SGCD: variants seen among roughly 807,000 people sequenced by gnomAD.
SGCD encodes sarcoglycan delta.
In SGCD, 18 loss-of-function variants were observed where a neutral mutation model predicts 36.6. That is an observed-to-expected ratio of 0.49 (90% CI 0.34 to 0.73). The LOEUF (loss-of-function observed/expected upper bound fraction) is 0.73, where lower values mean the gene tolerates loss of function less well. Ranked by LOEUF, SGCD falls within the 30% of genes least tolerant of loss-of-function variation. SGCD has a pLI of 0.01. For synonymous variants in SGCD, 133 were observed against 130.6 expected (o/e 1.02, Z -0.12); for missense variants, 387 against 346.7 (o/e 1.12, Z -0.92).
intron 1 of SGCD, among the ~76,000 whole-genome samples, chr5:155,959,130 T>C (rs1757733790): frequency 6.6e-6 from 1 of 152,172 alleles, no homozygotes; most frequent in African/African-American, 2.4e-5. Flanking sequence ...ATGGTACCAC[T>C]TGGCTACAGT....
intron 4 of SGCD, among the ~76,000 whole-genome samples, chr5:156,588,047 A>G (rs1487475183): frequency 1.3e-5 from 2 of 151,870 alleles, no homozygotes; most frequent in African/African-American, 4.8e-5. Flanking sequence ...TATACCAGAT[A>G]GTGACAAAGG....
chr5:156,647,736 A>G (rs992212573), intron 7 of SGCD, among the ~76,000 whole-genome samples, 200 bp downstream of exon 7: 1 of 152,152 alleles, frequency 6.6e-6, no homozygotes, highest in African/African-American at 2.4e-5. Flanking sequence ...TGGATGGGGT[A>G]AAAGGTTGCC....
chr5:156,091,989 A>C (rs773143832), intron 1 of SGCD, among the ~76,000 whole-genome samples: 6 of 152,204 alleles, frequency 3.9e-5, no homozygotes, highest in Non-Finnish European at 7.3e-5. Flanking sequence ...ATCCAGATCT[A>C]TGCCTTGTTT....
intron 4 of SGCD, among the ~76,000 whole-genome samples, chr5:156,524,286 G>GTT (rs1491187652): frequency 1.0e-3 from 88 of 85,854 alleles, no homozygotes; most frequent in Non-Finnish European, 1.8e-3. Context: ...AATATATATA[G>GTT]TTATATATAT....
chr5:156,229,273 C>CATATATATATAT (rs1383896091), intron 3 of SGCD, among the ~76,000 whole-genome samples: 18 of 8,572 alleles, frequency 2.1e-3, no homozygotes, highest in Middle Eastern at 0.05. Context: ...TATATATATA[C>CATATATATATAT]ATACATATAT....
chr5:156,536,860 G>A (rs1217425804), intron 4 of SGCD, among the ~76,000 whole-genome samples: 2 of 152,072 alleles, frequency 1.3e-5, no homozygotes, highest in Non-Finnish European at 2.9e-5. Flanking sequence ...CCTTGACTTG[G>A]TGGCTCTCTG....
intron 1 of SGCD, among the ~76,000 whole-genome samples, chr5:155,906,965 A>G (rs961086372): frequency 1.3e-5 from 2 of 152,034 alleles, no homozygotes; most frequent in Admixed American, 6.6e-5. Context: ...TAGAGAGAAG[A>G]AATAAATGCC....
At chr5:156,373,230 C>G (rs912176692) in intron 3 of SGCD, among the ~76,000 whole-genome samples, 1 of 152,204 alleles carries the variant, frequency 6.6e-6, no homozygotes, top group Non-Finnish European at 1.5e-5. Flanking sequence ...GGAACACTTA[C>G]CAATCCAATT....
At chr5:156,599,382 A>C (rs1761075795) in intron 6 of SGCD, among the ~76,000 whole-genome samples, 1 of 152,022 alleles carries the variant, frequency 6.6e-6, no homozygotes, top group Non-Finnish European at 1.5e-5. Flanking sequence ...TAGAAAAAGA[A>C]AAAAAAATGG....
chr5:156,278,318 C>A (rs1044177387), intron 3 of SGCD, among the ~76,000 whole-genome samples: 4 of 152,026 alleles, frequency 2.6e-5, no homozygotes, highest in Non-Finnish European at 5.9e-5. Context: ...CAGGAAAAAG[C>A]CTAACATGAT....
At chr5:155,756,291 C>T in the SGCD span, among the ~76,000 whole-genome samples, 1 of 152,198 alleles carries the variant, frequency 6.6e-6, no homozygotes, top group East Asian at 1.9e-4. Flanking sequence ...ACTGATTATC[C>T]ATAGGGTCCA....
chr5:155,789,006 A>G, the SGCD span, among the ~76,000 whole-genome samples: 1 of 152,178 alleles, frequency 6.6e-6, no homozygotes, highest in Admixed American at 6.5e-5. Flanking sequence ...TAGACTATAA[A>G]GGGAGATAAA....
intron 3 of SGCD, among the ~76,000 whole-genome samples, chr5:156,489,732 A>G (rs1581067087): frequency 6.6e-6 from 1 of 152,206 alleles, no homozygotes; most frequent in East Asian, 1.9e-4. Context: ...CAGCACTAAG[A>G]GGAAAGTTTA....
intron 3 of SGCD, among the ~76,000 whole-genome samples, chr5:156,278,906 G>T (rs564446681): frequency 7.3e-4 from 111 of 152,194 alleles, no homozygotes; most frequent in Middle Eastern, 3.4e-3. Flanking sequence ...TCTATTCCAG[G>T]TATAAATTAG....
chr5:156,476,393 A>G (rs1755177795), intron 3 of SGCD, among the ~76,000 whole-genome samples: 1 of 152,218 alleles, frequency 6.6e-6, no homozygotes, highest in Non-Finnish European at 1.5e-5. Flanking sequence ...TTAATTTGAC[A>G]GAGGAGCTGA....
At chr5:156,081,732 G>T (rs1311100519) in intron 1 of SGCD, among the ~76,000 whole-genome samples, 1 of 152,014 alleles carries the variant, frequency 6.6e-6, no homozygotes, top group East Asian at 1.9e-4. Flanking sequence ...TCTTTTCTCT[G>T]TAAGGGCAAA....
chr5:156,372,004 G>A (rs1005150913), intron 3 of SGCD, among the ~76,000 whole-genome samples: 7 of 152,134 alleles, frequency 4.6e-5, no homozygotes, highest in African/African-American at 1.7e-4. Flanking sequence ...ACTCTAAAAA[G>A]GCACTGCATT....
At chr5:156,634,141 C>T (rs1762737172) in intron 6 of SGCD, among the ~76,000 whole-genome samples, 1 of 152,200 alleles carries the variant, frequency 6.6e-6, no homozygotes, top group Non-Finnish European at 1.5e-5. Flanking sequence ...AACGAGCCTA[C>T]TCTCCACTAA....
intron 1 of SGCD, among the ~76,000 whole-genome samples, chr5:155,911,271 CTAACTTATA>C (rs1434575546): frequency 6.7e-6 from 1 of 149,066 alleles, no homozygotes; most frequent in Non-Finnish European, 1.5e-5. Flanking sequence ...ATAAGATTAT[CTAACTTATA>C]TGAGTATAGT....
Sources: gnomAD v4.1 joint callset for allele counts (sites outside exome capture counted in the v4.1 genomes callset) on GRCh38, gnomAD v4.1.1 for gene constraint, MANE v1.5 for transcripts, NCBI Gene and HGNC (gene_info 2026-07-23, HGNC 2026-07-21) for gene names.